Variants in CHCHD3 observed in about 807,000 individuals in gnomAD.
CHCHD3 encodes coiled-coil-helix-coiled-coil-helix domain containing 3, also known as MICOS complex subunit MIC19.
In CHCHD3, 20 loss-of-function variants were observed where a neutral mutation model predicts 38.2. The observed-to-expected ratio is 0.52, with a 90% CI of 0.37 to 0.76. The LOEUF (loss-of-function observed/expected upper bound fraction) is 0.76. Among genes scored for constraint, CHCHD3 ranks in the 30% least tolerant of loss-of-function variants. CHCHD3 has a pLI of 0.00. For missense variants in CHCHD3, 245 were observed against 279.2 expected (o/e 0.88, Z 0.87); for synonymous variants, 82 against 100.0 (o/e 0.82, Z 1.07).
intron 4 of CHCHD3, among the ~76,000 whole-genome samples, chr7:132,897,123 A>C (rs1809520984): frequency 6.6e-6 from 1 of 152,236 alleles, no homozygotes; most frequent in Non-Finnish European, 1.5e-5. Context: ...TTATACTCAA[A>C]TATCTCTATC....
Position 132,894,564 on chromosome 7 carries a change from C to G in CHCHD3, c.370-8819G>C, listed in dbSNP as rs916298398. 3.3e-5 allele frequency among the ~76,000 whole-genome samples: 5 copies of G among 152,190 alleles called. No homozygotes were observed. In the East Asian group the frequency reaches 9.6e-4, roughly 29 times the overall value. On this transcript the variant is annotated intron_variant, in intron 4 of 7. Transcript: ENST00000262570. ...ACCTTGTATGATACATGCTTACTTA[C>G]CCACTACTCCTCTCCTTAACTGTAA...
In CHCHD3 at chr7:133,059,347, C is replaced by T. The variant is rs186254928; in HGVS notation, c.169+10795G>A. On this transcript the variant is annotated intron_variant, in intron 2 of 7. Transcript: ENST00000262570. Reference sequence around the variant, plus strand: ...CTCTAGACACCCTAACCAAACCTCACCTAAAACTCCTAGCCTAAAATTCCA... The same window carrying T: ...CTCTAGACACCCTAACCAAACCTCATCTAAAACTCCTAGCCTAAAATTCCA... 9.7e-4 allele frequency among the ~76,000 whole-genome samples: 147 copies of T among 152,218 alleles called. 1 individual carries two copies. Among genetic ancestry groups the T allele is most frequent in the African/African-American group, 3.3e-3 (138 of 41,524 alleles).
At chr7:133,011,275 G>A (rs1016634505) in intron 3 of CHCHD3, among the ~76,000 whole-genome samples, 6 of 152,176 alleles carry the variant, frequency 3.9e-5, no homozygotes, top group Admixed American at 3.3e-4. Context: ...GCCATTAGAG[G>A]GTTTTAAGCA....
chr7:132,876,532 T>TGTG (rs1808918020), intron 5 of CHCHD3, among the ~76,000 whole-genome samples: 1 of 152,206 alleles, frequency 6.6e-6, no homozygotes, highest in Non-Finnish European at 1.5e-5. Context: ...TTTTATTGTG[T>TGTG]AGCCTTTCAA....
chr7:132,853,831 A>T (rs1808279740), intron 5 of CHCHD3, among the ~76,000 whole-genome samples: 2 of 152,110 alleles, frequency 1.3e-5, no homozygotes, highest in African/African-American at 4.8e-5. Flanking sequence ...CTAAGCTGAG[A>T]TTTCACCTAA....
chr7:133,046,510 C>G (rs956944682), intron 2 of CHCHD3, among the ~76,000 whole-genome samples: 38 of 152,124 alleles, frequency 2.5e-4, no homozygotes, highest in African/African-American at 8.7e-4. Context: ...GTGTATATTA[C>G]AAACTTGGGT....
intron 3 of CHCHD3, chr7:133,022,609 T>G: frequency 5.2e-6 from 2 of 388,070 alleles, no homozygotes; most frequent in Non-Finnish European, 4.9e-6. Flanking sequence ...TGAAGGAGGC[T>G]TCAAACAAAA....
chr7:132,912,288 A>C (rs1358026741), intron 4 of CHCHD3, among the ~76,000 whole-genome samples: 3 of 152,222 alleles, frequency 2.0e-5, no homozygotes, highest in African/African-American at 7.2e-5. Flanking sequence ...GGAAAATATA[A>C]TGGAAACAAT....
chr7:132,911,255 C>T (rs1809941201), intron 4 of CHCHD3, among the ~76,000 whole-genome samples: 1 of 152,112 alleles, frequency 6.6e-6, no homozygotes, highest in Non-Finnish European at 1.5e-5. Flanking sequence ...GGGAAGGGGT[C>T]CCAGTCAAGG....
chr7:132,796,301 A>G, intron 7 of CHCHD3, 141 bp downstream of exon 7: 1 of 858,284 alleles, frequency 1.2e-6, no homozygotes, highest in Non-Finnish European at 1.8e-6. Flanking sequence ...TAATCAACTC[A>G]TTACAGTAAT....
At chr7:132,860,861 TGATC>T (rs1808473746) in intron 5 of CHCHD3, among the ~76,000 whole-genome samples, 1 of 152,104 alleles carries the variant, frequency 6.6e-6, no homozygotes, top group East Asian at 1.9e-4. Flanking sequence ...TGACCTCAAG[TGATC>T]CACCCGCCTC....
intron 2 of CHCHD3, among the ~76,000 whole-genome samples, chr7:133,037,737 C>T (rs1813718662): frequency 6.6e-6 from 1 of 152,124 alleles, no homozygotes; most frequent in South Asian, 2.1e-4. Flanking sequence ...TGCTCAAACC[C>T]GGGAAGCAGA....
At chr7:133,045,877 T>C (rs918838674) in intron 2 of CHCHD3, among the ~76,000 whole-genome samples, 1 of 152,018 alleles carries the variant, frequency 6.6e-6, no homozygotes, top group African/African-American at 2.4e-5. Context: ...CCTCCAGCCA[T>C]GTGATGTACC....
chr7:133,057,755 T>C (rs970917138), intron 2 of CHCHD3, among the ~76,000 whole-genome samples: 2 of 151,956 alleles, frequency 1.3e-5, no homozygotes, highest in African/African-American at 4.8e-5. Context: ...CAGGAAAAAA[T>C]AATTAGAGGA....
At position 133,077,341 on chromosome 7, in the gene CHCHD3, C is replaced by A. The variant is rs76605049; in HGVS notation, c.81+4516G>T. Among the ~76,000 whole-genome samples the A allele has an allele frequency of 3.3e-5, 5 of 152,316 alleles. No individual in the cohort carries two copies. The East Asian group carries it at 7.7e-4, about 24-fold the overall frequency. ...GTAGTCTCTGATAACATACTCTCTT[C>A]AGAATCCTCAGTAATACCGCATATT... is the stretch of plus-strand genomic sequence containing the variant. On this transcript the variant is annotated intron_variant, in intron 1 of 7. Coordinates refer to ENST00000262570, the MANE Select transcript of CHCHD3 (RefSeq NM_017812.4).
intron 3 of CHCHD3, among the ~76,000 whole-genome samples, chr7:132,985,301 G>A (rs1584621574): frequency 4.6e-5 from 3 of 64,856 alleles, no homozygotes; most frequent in Non-Finnish European, 6.3e-5. Flanking sequence ...GGTGAGGGGC[G>A]CCTCTGCCCG....
Position 132,793,736 on chromosome 7 carries a change from C to T in CHCHD3, c.660+2706G>A, listed in dbSNP as rs144613261. Among the ~76,000 whole-genome samples the T allele has an allele frequency of 1.2e-3, 179 of 152,268 alleles. 2 individuals carry two copies. The East Asian group carries it at 0.025, about 21-fold the overall frequency. ...ATTGGAATTATTCCATGGGGGAAAC[C>T]CTTGCACTGTGTCGGATATGGACAA... is the stretch of plus-strand genomic sequence containing the variant. On this transcript the variant is annotated intron_variant, in intron 7 of 7. Transcript: ENST00000262570.
In CHCHD3 at chr7:132,864,242, G is replaced by A. The variant is rs555364876; in HGVS notation, c.453+21420C>T. 5.9e-5 allele frequency among the ~76,000 whole-genome samples: 9 copies of A among 152,234 alleles called. No homozygotes were observed. The East Asian group carries it at 1.7e-3, about 29-fold the overall frequency. ...GAGGTCATTGTAGGGTTATTAATTGGCCTAATTTTAGTATTGTTGCGTCTC... is the reference window on the plus strand; with the variant it reads ...GAGGTCATTGTAGGGTTATTAATTGACCTAATTTTAGTATTGTTGCGTCTC... On this transcript the variant is annotated intron_variant, in intron 5 of 7. Coordinates refer to ENST00000262570, the MANE Select transcript of CHCHD3 (RefSeq NM_017812.4).
chr7:132,899,064 G>A (rs1481256140), intron 4 of CHCHD3, among the ~76,000 whole-genome samples: 1 of 152,204 alleles, frequency 6.6e-6, no homozygotes, highest in African/African-American at 2.4e-5. Context: ...ACAGTGCAGC[G>A]GTGGGCTGAA....
Sources: gnomAD v4.1 joint callset for allele counts (sites outside exome capture counted in the v4.1 genomes callset) on GRCh38, gnomAD v4.1.1 for gene constraint, MANE v1.5 for transcripts, NCBI Gene and HGNC (gene_info 2026-07-23, HGNC 2026-07-21) for gene names.